The following TMEM50B variants were observed in gnomAD, a reference collection of about 807,000 sequenced individuals.
TMEM50B encodes the protein transmembrane protein 50B, also known as HCV p7-trans-regulated protein 3.
Under a neutral mutation model 23.4 loss-of-function variants are expected in TMEM50B, and 14 were observed. That is an observed-to-expected ratio of 0.60 (90% CI 0.39 to 0.93). TMEM50B has a LOEUF of 0.93. Among genes scored for constraint, TMEM50B ranks in the 40% least tolerant of loss-of-function variants. TMEM50B has a pLI of 0.00. For missense variants in TMEM50B, 159 were observed against 193.0 expected (o/e 0.82, Z 1.04); for synonymous variants, 64 against 62.3 (o/e 1.03, Z -0.13).
chr21:33,469,967 C>T (rs1011418132), intron 1 of TMEM50B, among the ~76,000 whole-genome samples: 2 of 152,018 alleles, frequency 1.3e-5, no homozygotes, highest in Non-Finnish European at 2.9e-5. Context: ...TAATCTGTAA[C>T]GCAGTAAGAC....
chr21:33,446,245 TTA>T (rs1336673084), downstream of TMEM50B, among the ~76,000 whole-genome samples: 82 of 126,128 alleles, frequency 6.5e-4, 1 homozygote, highest in Admixed American at 2.1e-3. Context: ...TTTTTATTTT[TTA>T]TTTTTTTTTG....
At position 33,460,520 on chromosome 21, in the gene TMEM50B, G is replaced by C. The variant is rs749516282; in HGVS notation, c.281-15C>G. 2.6e-6 allele frequency: 4 copies of C among 1,556,516 alleles called. No homozygotes were observed. The highest frequency in any genetic ancestry group is 3.5e-6 in the Non-Finnish European group (4 of 1,148,956). ...AACTCGAGCACCTGTGTAGAGAAGAGGCTTTATGATTTTGTTCATTTTTGC... is the reference window on the plus strand; with the variant it reads ...AACTCGAGCACCTGTGTAGAGAAGACGCTTTATGATTTTGTTCATTTTTGC... On this transcript the variant is annotated splice_polypyrimidine_tract_variant and intron_variant, in intron 4 of 6. Coordinates refer to ENST00000542230, the MANE Select transcript of TMEM50B (RefSeq NM_006134.7).
intron 7 of TMEM50B, among the ~76,000 whole-genome samples, chr21:33,439,805 T>TGG (rs1297288446): frequency 3.4e-4 from 52 of 151,368 alleles, no homozygotes; most frequent in Non-Finnish European, 2.4e-4. Flanking sequence ...CCGAGCACTT[T>TGG]GAGACCCTGA....
At chr21:33,436,985 C>T (rs752855307) in intron 8 of TMEM50B, 25 of 1,613,148 alleles carry the variant, frequency 1.5e-5, no homozygotes, top group Non-Finnish European at 2.1e-5. Flanking sequence ...GCCTAGCCCA[C>T]TGGCTCCCTG....
At chr21:33,468,461 G>A (rs2084284500) in intron 2 of TMEM50B, 2 of 209,420 alleles carry the variant, frequency 9.6e-6, no homozygotes, top group South Asian at 1.1e-4. Flanking sequence ...AATAATTTTG[G>A]GTTACATCAA....
chr21:33,474,958 T>C (rs760511812), intron 1 of TMEM50B, among the ~76,000 whole-genome samples: 72 of 150,242 alleles, frequency 4.8e-4, no homozygotes, highest in Non-Finnish European at 8.3e-4. Flanking sequence ...ACAGAGTCTC[T>C]CTCTGTCACC....
downstream of TMEM50B, among the ~76,000 whole-genome samples, chr21:33,444,620 G>GT (rs1055866275): frequency 6.6e-6 from 1 of 151,668 alleles, no homozygotes; most frequent in Non-Finnish European, 1.5e-5. Context: ...ACTGAATAAT[G>GT]TTTTTGGCAC....
intron 4 of TMEM50B, among the ~76,000 whole-genome samples, chr21:33,461,066 T>C (rs918078707): frequency 6.6e-6 from 1 of 152,198 alleles, no homozygotes; most frequent in Non-Finnish European, 1.5e-5. Flanking sequence ...AAATTCTAGA[T>C]CTCGATAATG....
At chr21:33,470,104 T>TA (rs34633073) in intron 1 of TMEM50B, among the ~76,000 whole-genome samples, 245 of 149,866 alleles carry the variant, frequency 1.6e-3, no homozygotes, top group Non-Finnish European at 2.2e-3. Context: ...TAGAAAGAAA[T>TA]AAAAAAAAAA....
downstream of TMEM50B, among the ~76,000 whole-genome samples, chr21:33,446,751 C>CT (rs1188461803): frequency 2.0e-5 from 3 of 150,910 alleles, no homozygotes; most frequent in African/African-American, 2.4e-5. Flanking sequence ...ATTTGCACCT[C>CT]TAGTCCCAGC....
intron 6 of TMEM50B, among the ~76,000 whole-genome samples, chr21:33,451,392 C>T (rs2084118248): frequency 2.0e-5 from 3 of 152,142 alleles, no homozygotes; most frequent in Admixed American, 1.3e-4. Flanking sequence ...CCTAATGGAG[C>T]TAAGGGTCTA....
At chr21:33,473,185 G>A (rs781413358) in intron 1 of TMEM50B, among the ~76,000 whole-genome samples, 4 of 152,106 alleles carry the variant, frequency 2.6e-5, no homozygotes, top group African/African-American at 9.7e-5. Flanking sequence ...AGGTGTGGTG[G>A]CTCATGCCTG....
chr21:33,455,912 C>A, intron 5 of TMEM50B, 128 bp from the exon 6 acceptor site: 1 of 758,148 alleles, frequency 1.3e-6, no homozygotes, highest in Non-Finnish European at 2.4e-6. Context: ...AACTGTAAGA[C>A]ATCTATAATG....
At chr21:33,458,260 T>C (rs186434998) in intron 5 of TMEM50B, among the ~76,000 whole-genome samples, 153 of 152,300 alleles carry the variant, frequency 1.0e-3, no homozygotes, top group African/African-American at 3.5e-3. Flanking sequence ...ACGCCTGTAA[T>C]ACCAGCACTT....
chr21:33,459,496 T>C (rs953800770), intron 5 of TMEM50B, among the ~76,000 whole-genome samples: 1 of 151,778 alleles, frequency 6.6e-6, no homozygotes, highest in African/African-American at 2.4e-5. Context: ...TGAAACCCTG[T>C]CTCTACTAAA....
At chr21:33,473,773 G>A (rs2084341195) in intron 1 of TMEM50B, among the ~76,000 whole-genome samples, 1 of 152,108 alleles carries the variant, frequency 6.6e-6, no homozygotes, top group African/African-American at 2.4e-5. Context: ...AATTGCCACG[G>A]AGTGGAAGCA....
chr21:33,436,751 A>G (rs2083957746), intron 8 of TMEM50B: 2 of 1,204,114 alleles, frequency 1.7e-6, no homozygotes. Context: ...ATAAAATAAA[A>G]ACAAAAACTA....
downstream of TMEM50B, among the ~76,000 whole-genome samples, chr21:33,448,575 G>A (rs147926356): frequency 0.029 from 4,365 of 151,864 alleles, 222 homozygotes; most frequent in African/African-American, 0.1. Context: ...CTGCCTCCAA[G>A]GTTCACGCCA....
chr21:33,464,810 A>C (rs1185722890), intron 4 of TMEM50B, among the ~76,000 whole-genome samples: 1 of 29,318 alleles, frequency 3.4e-5, no homozygotes, highest in African/African-American at 6.3e-4. Flanking sequence ...GTCTCAAAAA[A>C]AAAAAAAAAA....
Sources: allele counts gnomAD v4.1 joint callset (sites outside exome capture counted in the v4.1 genomes callset), GRCh38; gene constraint gnomAD v4.1.1; transcripts MANE v1.5; gene names NCBI Gene and HGNC (gene_info 2026-07-23, HGNC 2026-07-21).